Variants in FKBP15 observed in about 807,000 individuals in gnomAD.
FKBP15 encodes FK506-binding protein 15.
FKBP15 carries 106 observed loss-of-function variants against 158.1 expected under a neutral mutation model. That is an observed-to-expected ratio of 0.67 (90% CI 0.57 to 0.79). FKBP15 has a LOEUF of 0.79. FKBP15 is among the 30% of genes least tolerant of loss of function. The probability of loss-of-function intolerance (pLI) is 0.00; values close to 1 mark genes in which losing one functional copy is unlikely to be tolerated. For synonymous variants in FKBP15, 547 were observed against 548.6 expected, an observed-to-expected ratio of 1.00 and a Z score of 0.04; for missense variants, 1,287 against 1,479.1, an observed-to-expected ratio of 0.87 and a Z score of 2.13.
chr9:113,169,797 G>T lies in FKBP15; in HGVS notation c.2912C>A (p.Pro971His). ...ASASSGQPQA[P>H]LNRERPESPM... ...GGACTCTGGCCTCTCCCTATTCAGG[G>T]GTGCTTGAGGCTGCCCAGAACTGGC... Residue 971 changes from proline to histidine, a missense_variant, in exon 26 of 28, where the codon CCC (proline) becomes CAC (histidine). Physicochemically the swap from Pro to His is moderately conservative, Grantham distance 77. Coordinates refer to ENST00000238256, the MANE Select transcript of FKBP15 (RefSeq NM_015258.2). 2 of 1,583,918 alleles carry T rather than the reference G, an allele frequency of 1.3e-6. No homozygotes were observed. The highest frequency in any genetic ancestry group is 2.3e-5 in the South Asian group (2 of 87,132).
At chr9:113,185,930 G>A (rs972395279) in intron 15 of FKBP15, among the ~76,000 whole-genome samples, 3 of 152,168 alleles carry the variant, frequency 2.0e-5, no homozygotes, top group African/African-American at 4.8e-5. Context: ...CTCTAACAGA[G>A]GAATTAAAAG....
intron 8 of FKBP15, among the ~76,000 whole-genome samples, chr9:113,197,284 G>T (rs944530625): frequency 6.6e-6 from 1 of 152,148 alleles, no homozygotes; most frequent in African/African-American, 2.4e-5. Context: ...CATATCTGGG[G>T]TTGCATGAAA....
At chr9:113,221,140 C>T in intron 1 of FKBP15, 51 bp downstream of exon 1, 1 of 1,552,384 alleles carries the variant, frequency 6.4e-7, no homozygotes, top group Non-Finnish European at 8.7e-7. Context: ...TCCAACAATC[C>T]GCCGGTATCT....
chr9:113,175,898 A>G (rs915752938), intron 21 of FKBP15, among the ~76,000 whole-genome samples: 22 of 152,172 alleles, frequency 1.4e-4, no homozygotes, highest in African/African-American at 4.8e-4. Context: ...AAATGGGCTC[A>G]CTCACATACT....
chr9:113,163,007 G>C lies in FKBP15; in HGVS notation c.*3071C>G. The C allele has an allele frequency of 8.2e-7, 1 of 1,220,596 alleles. No individual in the cohort carries two copies. The highest frequency in any genetic ancestry group is 1.1e-6 in the Non-Finnish European group (1 of 903,060). 75.6% of individuals were successfully genotyped at this position (1,220,596 alleles called of 1,614,324 possible). A position where few individuals can be genotyped will look rare whatever the true frequency, so the allele number is the denominator to read the frequency against. The stretch of plus-strand genomic sequence containing the variant: ...CTTCCAACTGCCCTTTCTTCTGATG[G>C]CTATTCCTCCACCTTATTCCCAGCC... On this transcript the variant is annotated 3_prime_UTR_variant, in exon 28 of 28. Coordinates refer to ENST00000238256, the MANE Select transcript of FKBP15 (RefSeq NM_015258.2).
intron 27 of FKBP15, among the ~76,000 whole-genome samples, chr9:113,167,660 C>T (rs1830118903): frequency 6.6e-6 from 1 of 152,122 alleles, no homozygotes; most frequent in Admixed American, 6.6e-5. Context: ...AAAATTTGCC[C>T]CATTCACCCT....
At chr9:113,168,631 A>C (rs1421482415) in intron 26 of FKBP15, 75 bp from the exon 27 acceptor site, 1 of 1,294,134 alleles carries the variant, frequency 7.7e-7, no homozygotes, top group African/African-American at 1.5e-5. Context: ...TACAAGGGTC[A>C]CCGGCCCTTG....
Position 113,168,541 on chromosome 9 carries a change from T to C in FKBP15, c.3501A>G (p.Glu1167=), listed in dbSNP as rs1315746352. The stretch of plus-strand genomic sequence containing the variant: ...TTGCCCCTTTAAACAGTTCATCCTC[T>C]TCATCCCCAGAGAGACTGAAGGAAA... ...HSQRSSLSGD[E]EDELFKGATL... Residue 1167 remains glutamate (E), a synonymous_variant, in exon 27 of 28, where the codon GAA becomes GAG. Transcript: ENST00000238256. 7.4e-6 allele frequency: 12 copies of C among 1,613,784 alleles called. No homozygotes were observed. Among genetic ancestry groups the C allele is most frequent in the Non-Finnish European group, 1.0e-5 (12 of 1,179,812 alleles).
At chr9:113,177,407 G>C (rs1830318659) in intron 20 of FKBP15, among the ~76,000 whole-genome samples, 1 of 152,184 alleles carries the variant, frequency 6.6e-6, no homozygotes, top group Non-Finnish European at 1.5e-5. Context: ...CACCACAAAA[G>C]CAGAAATGAG....
chr9:113,202,640 G>T lies in FKBP15; in HGVS notation c.400-11C>A. 6.5e-7 allele frequency: 1 copy of T among 1,546,372 alleles called. No individual in the cohort carries two copies. Among genetic ancestry groups the T allele is most frequent in the South Asian group, 1.2e-5 (1 of 84,218 alleles). On this transcript the variant is annotated splice_polypyrimidine_tract_variant and intron_variant, in intron 5 of 27. Coordinates refer to ENST00000238256, the MANE Select transcript of FKBP15 (RefSeq NM_015258.2). ...GTTATTGGGCCGAACCTGGAGAAAG[G>T]AGAAATGTTAAATTCATCCACAAGC... is the stretch of plus-strand genomic sequence containing the variant.
At chr9:113,189,114 A>G (rs1425242199) in intron 12 of FKBP15, among the ~76,000 whole-genome samples, 1 of 152,246 alleles carries the variant, frequency 6.6e-6, no homozygotes, top group Non-Finnish European at 1.5e-5. Context: ...GAAAATCTTG[A>G]GGCACAATAT....
intron 1 of FKBP15, among the ~76,000 whole-genome samples, chr9:113,217,655 A>G (rs878878850): frequency 6.6e-6 from 1 of 152,088 alleles, no homozygotes; most frequent in Admixed American, 6.6e-5. Flanking sequence ...TAGCCTGAGC[A>G]ATATAGCAAG....
Position 113,206,520 on chromosome 9 carries a change from T to C in FKBP15, c.313A>G (p.Thr105Ala). Residue 105 changes from threonine to alanine, a missense_variant, in exon 4 of 28, where the codon ACA (threonine) becomes GCA (alanine). By Grantham distance (58) the Thr-to-Ala change is moderately conservative. Coordinates refer to ENST00000238256, the MANE Select transcript of FKBP15 (RefSeq NM_015258.2). Reference protein sequence around the residue: ...KFGAAVLGNHTAREYRILLYI... With the variant: ...KFGAAVLGNHAAREYRILLYI... ...GGGAGCACTCTCACCTCTCTGGCTG[T>C]GTGGTTCCCCAGAACTGCAGCACCA... The C allele has an allele frequency of 6.2e-7, 1 of 1,613,876 alleles. No homozygotes were observed. The highest frequency in any genetic ancestry group is 8.5e-7 in the Non-Finnish European group (1 of 1,179,768).
Position 113,166,094 on chromosome 9 carries a change from A to C in FKBP15, c.3644T>G (p.Ile1215Ser), listed in dbSNP as rs375705786. Residue 1215 changes from isoleucine (I) to serine (S), a missense_variant, in exon 28 of 28, where the codon ATT (isoleucine) becomes AGT (serine). Transcript: ENST00000238256. ...CCTGGGTCTTCATCCCAGCCAGTCAATGTCATCGTCATCATCATCATCTCC... is the reference window on the plus strand; with the variant it reads ...CCTGGGTCTTCATCCCAGCCAGTCACTGTCATCGTCATCATCATCATCTCC... ...LFGDDDDDDD[I>S]DWLG 6.2e-7 allele frequency: 1 copy of C among 1,613,560 alleles called. No individual in the cohort carries two copies. The highest frequency in any genetic ancestry group is 1.3e-5 in the African/African-American group (1 of 75,006).
Position 113,187,840 on chromosome 9 carries a change from A to G in FKBP15, c.1336T>C (p.Ser446Pro). The change falls in exon 14 of 28, where the codon TCT becomes CCT. Residue 446 changes from serine to proline, a missense_variant. Physicochemically the swap from Ser to Pro is moderately conservative, Grantham distance 74. Transcript: ENST00000238256. The part of the protein sequence containing the change: ...APSAALMQVS[S>P]LDSHSAVSGN... ...GATACAGCTGAGTGGGAATCGAGAGATGACACTTGCATTAAGGCAGCAGAA... is the reference window on the plus strand; with the variant it reads ...GATACAGCTGAGTGGGAATCGAGAGGTGACACTTGCATTAAGGCAGCAGAA... 6.2e-7 allele frequency: 1 copy of G among 1,613,994 alleles called. No individual in the cohort carries two copies. The highest frequency in any genetic ancestry group is 8.5e-7 in the Non-Finnish European group (1 of 1,179,862).
chr9:113,221,221 T>C lies in FKBP15; in HGVS notation c.23A>G (p.Asp8Gly), dbSNP rs1831249981. 4 of 1,609,964 alleles carry C rather than the reference T, an allele frequency of 2.5e-6. No individual in the cohort carries two copies. The highest frequency in any genetic ancestry group is 1.7e-5 in the Admixed American group (1 of 59,616). Reference sequence around the variant, plus strand: ...GCTCGGCGAGAGGAAATCGGTGTCGTCCTCGTCCCCCGCACCGAACATTGC... The same window carrying C: ...GCTCGGCGAGAGGAAATCGGTGTCGCCCTCGTCCCCCGCACCGAACATTGC... The part of the protein sequence containing the change: MFGAGDE[D>G]DTDFLSPSGG... Residue 8 changes from aspartate (D) to glycine (G), a missense_variant, in exon 1 of 28, where the codon GAC (aspartate) becomes GGC (glycine). Coordinates refer to ENST00000238256, the MANE Select transcript of FKBP15 (RefSeq NM_015258.2).
At chr9:113,211,075 G>A (rs111811484) in intron 2 of FKBP15, among the ~76,000 whole-genome samples, 34,940 of 152,156 alleles carry the variant, frequency 0.23, 4,736 homozygotes, top group African/African-American at 0.36. Flanking sequence ...GTGTGAGTCA[G>A]TTCTCCTCAA....
rs535624710 is a variant in FKBP15, at chr9:113,188,473, C to T, written c.1192G>A (p.Gly398Arg). ...GGAGTCACCACAGGCTGCCCACCTC[C>T]TTGCAGAGTGTTCACATCCTGAAAC... ...SEIEDVNTLQGGGQPVVTPSV... is the reference protein window; with the variant it reads ...SEIEDVNTLQRGGQPVVTPSV... Residue 398 changes from glycine to arginine, a missense_variant, in exon 13 of 28, where the codon GGA becomes AGA. By Grantham distance (125) the Gly-to-Arg change is moderately radical. Transcript: ENST00000238256. The T allele has an allele frequency of 8.9e-5, 143 of 1,613,896 alleles. 1 individual carries two copies. In the South Asian group the frequency reaches 1.5e-3, roughly 17 times the overall value.
chr9:113,218,422 A>C (rs1831189467), intron 1 of FKBP15, among the ~76,000 whole-genome samples: 1 of 133,842 alleles, frequency 7.5e-6, no homozygotes, highest in South Asian at 2.3e-4. Flanking sequence ...TACATTTCTC[A>C]TTTGTAAAAT....
Sources: gnomAD v4.1 joint callset for allele counts (sites outside exome capture counted in the v4.1 genomes callset) on GRCh38, gnomAD v4.1.1 for gene constraint, MANE v1.5 for transcripts, NCBI Gene and HGNC (gene_info 2026-07-23, HGNC 2026-07-21) for gene names.